Variants in OMA1 observed in about 807,000 individuals in gnomAD.
The protein encoded by OMA1 is OMA1 zinc metallopeptidase, also known as metalloendopeptidase OMA1, mitochondrial.
A neutral mutation model predicts 30.9 loss-of-function variants in OMA1; 38 were observed. That is an observed-to-expected ratio of 1.23 (90% CI 0.95 to 1.61). The LOEUF is 1.61. Among genes scored for constraint, OMA1 ranks in the 40% most tolerant of loss-of-function variants. The pLI is 0.00. For synonymous variants in OMA1, 173 were observed against 121.9 expected (o/e 1.42, Z -2.76); for missense variants, 461 against 349.2 (o/e 1.32, Z -2.55).
At chr1:58,512,539 T>G (rs1264365269) in intron 7 of OMA1, among the ~76,000 whole-genome samples, 1 of 152,158 alleles carries the variant, frequency 6.6e-6, no homozygotes, top group African/African-American at 2.4e-5. Context: ...AAATGTGGTA[T>G]AAACATACAT....
intron 8 of OMA1, among the ~76,000 whole-genome samples, chr1:58,498,279 T>G (rs951484728): frequency 1.3e-5 from 2 of 152,098 alleles, no homozygotes. Flanking sequence ...TCTTCCATTC[T>G]CCTCTACCAT....
intron 8 of OMA1, among the ~76,000 whole-genome samples, chr1:58,499,509 A>ATAGATAAATAG (rs776144705): frequency 4.7e-5 from 2 of 42,902 alleles, no homozygotes; most frequent in African/African-American, 1.8e-4. Flanking sequence ...TAGATAGATA[A>ATAGATAAATAG]ATAGATAGAT....
intron 7 of OMA1, among the ~76,000 whole-genome samples, chr1:58,514,725 A>T (rs1646133517): frequency 6.6e-6 from 1 of 152,202 alleles, no homozygotes; most frequent in Admixed American, 6.5e-5. Flanking sequence ...AGGCTGTTAT[A>T]AGATGTAAAG....
intron 8 of OMA1, among the ~76,000 whole-genome samples, chr1:58,494,625 T>A (rs1465329272): frequency 2.6e-5 from 4 of 152,036 alleles, no homozygotes; most frequent in African/African-American, 9.7e-5. Flanking sequence ...AACAGACACT[T>A]CTCAAAAGAA....
intron 8 of OMA1, 103 bp downstream of exon 8, chr1:58,505,957 G>A: frequency 1.6e-6 from 1 of 633,574 alleles, no homozygotes; most frequent in Non-Finnish European, 2.7e-6. Context: ...AATCAAAATA[G>A]TTAATAGGCT....
Position 58,485,314 on chromosome 1 carries a change from C to T in OMA1, c.1366-4140G>A, listed in dbSNP as rs571479557. Among the ~76,000 whole-genome samples the T allele has an allele frequency of 8.6e-5, 12 of 139,426 alleles. No individual in the cohort carries two copies. In the South Asian group the frequency reaches 3.0e-3, roughly 35 times the overall value. 91.5% of individuals were successfully genotyped at this position (139,426 alleles called of 152,430 possible). ...ACCTGTTTTGTTTCTACCGCTTTTG[C>T]TCTACATGCTTTTTGTGCTCATGCT... is the stretch of plus-strand genomic sequence containing the variant. On this transcript the variant is annotated intron_variant, in intron 8 of 8. Coordinates refer to ENST00000371226, the MANE Select transcript of OMA1 (RefSeq NM_145243.5).
chr1:58,494,173 T>A (rs535697124), intron 8 of OMA1, among the ~76,000 whole-genome samples: 59 of 152,340 alleles, frequency 3.9e-4, no homozygotes, highest in African/African-American at 1.4e-3. Context: ...GGGGAAAGGA[T>A]TCCCTCTTTA....
intron 8 of OMA1, among the ~76,000 whole-genome samples, chr1:58,484,740 A>C (rs1557435607): frequency 6.6e-6 from 1 of 152,236 alleles, no homozygotes; most frequent in Non-Finnish European, 1.5e-5. Context: ...TCTAAGAAGA[A>C]ATTAGCTATC....
At chr1:58,540,385 T>C (rs1175570419) in intron 1 of OMA1, among the ~76,000 whole-genome samples, 1 of 151,868 alleles carries the variant, frequency 6.6e-6, no homozygotes, top group Non-Finnish European at 1.5e-5. Context: ...CAGCAAGATA[T>C]GTGATCCACA....
chr1:58,493,570 C>T (rs1370150054), intron 8 of OMA1, among the ~76,000 whole-genome samples: 3 of 151,376 alleles, frequency 2.0e-5, no homozygotes, highest in African/African-American at 7.3e-5. Flanking sequence ...TCAGCAAAGT[C>T]TCAGGATACA....
chr1:58,491,859 G>C (rs1179162782), intron 8 of OMA1, among the ~76,000 whole-genome samples: 1 of 152,158 alleles, frequency 6.6e-6, no homozygotes, highest in Non-Finnish European at 1.5e-5. Flanking sequence ...AGATCAATGA[G>C]ACAAAAAGTT....
At chr1:58,525,357 C>T (rs56065191) in intron 7 of OMA1, among the ~76,000 whole-genome samples, 3 of 151,912 alleles carry the variant, frequency 2.0e-5, no homozygotes, top group Non-Finnish European at 1.5e-5. Context: ...ACATGCTGTT[C>T]AAGAGTCAAC....
rs757786615 is a variant in OMA1, at chr1:58,518,349, A to AGAAGGGAAGGGAAGG, written c.1215+8911_1215+8912insCCTTCCCTTCCCTTC. On this transcript the variant is annotated intron_variant, in intron 7 of 8. Coordinates refer to ENST00000371226, the MANE Select transcript of OMA1 (RefSeq NM_145243.5). ...AGAAGAGAAGAGAAGAGAAGAGAAG[A>AGAAGGGAAGGGAAGG]GAAGGGAAGGGAAGAGAAGAGAAGG... Among the ~76,000 whole-genome samples the AGAAGGGAAGGGAAGG allele has an allele frequency of 1.6e-3, 93 of 59,732 alleles. 5 individuals are homozygous for AGAAGGGAAGGGAAGG. Among genetic ancestry groups the AGAAGGGAAGGGAAGG allele is most frequent in the African/African-American group, 4.9e-3 (75 of 15,408 alleles). The allele number at this position is 59,732 out of a possible 152,430, so 39.2% of individuals were successfully genotyped here. A position where few individuals can be genotyped will look rare whatever the true frequency, so the allele number is the denominator to read the frequency against.
intron 8 of OMA1, among the ~76,000 whole-genome samples, chr1:58,488,658 G>A (rs1645618941): frequency 6.6e-6 from 1 of 152,098 alleles, no homozygotes; most frequent in African/African-American, 2.4e-5. Flanking sequence ...CTCCATGTTG[G>A]TCAGGCTGGT....
At chr1:58,491,965 C>T (rs866990702) in intron 8 of OMA1, among the ~76,000 whole-genome samples, 26 of 152,246 alleles carry the variant, frequency 1.7e-4, no homozygotes, top group Admixed American at 4.6e-4. Flanking sequence ...AATATACATT[C>T]TTTTCAGCAC....
intron 1 of OMA1, among the ~76,000 whole-genome samples, chr1:58,544,304 T>C (rs990331859): frequency 6.6e-6 from 1 of 152,162 alleles, no homozygotes; most frequent in Admixed American, 6.5e-5. Context: ...GCCCACTAAA[T>C]GCTAGGCACC....
At chr1:58,481,204 CTA>C in intron 8 of OMA1, 30 bp from the exon 9 acceptor site, 3 of 715,152 alleles carry the variant, frequency 4.2e-6, no homozygotes. Context: ...TAAAAAAATA[CTA>C]TATATATACA....
intron 8 of OMA1, among the ~76,000 whole-genome samples, chr1:58,501,515 T>A (rs1261502846): frequency 1.3e-5 from 2 of 152,106 alleles, no homozygotes; most frequent in African/African-American, 4.8e-5. Context: ...CCCTCCCCCT[T>A]CCCTTGCTCA....
At chr1:58,530,289 C>T (rs181753062) in intron 6 of OMA1, among the ~76,000 whole-genome samples, 5 of 152,224 alleles carry the variant, frequency 3.3e-5, no homozygotes, top group African/African-American at 4.8e-5. Context: ...TCAGTTACTA[C>T]GAAAGGAAGG....
Sources: allele counts gnomAD v4.1 joint callset (sites outside exome capture counted in the v4.1 genomes callset), GRCh38; gene constraint gnomAD v4.1.1; transcripts MANE v1.5; gene names NCBI Gene and HGNC (gene_info 2026-07-23, HGNC 2026-07-21).